Variants in PCDH9 observed in about 807,000 individuals in gnomAD.
PCDH9 encodes protocadherin 9.
A neutral mutation model predicts 70.6 loss-of-function variants in PCDH9; 24 were observed. The ratio of observed to expected loss-of-function variants is 0.34; its 90% CI spans 0.25 to 0.48. PCDH9 has a LOEUF of 0.48. Ranked by LOEUF, PCDH9 falls within the 20% of genes least tolerant of loss-of-function variation. The probability of loss-of-function intolerance (pLI) is 0.99; values close to 1 mark genes in which losing one functional copy is unlikely to be tolerated. For synonymous variants in PCDH9, 562 were observed against 558.5 expected (o/e 1.01, Z -0.09); for missense variants, 1,281 against 1,503.6 (o/e 0.85, Z 2.45).
chr13:66,938,716 C>G (rs1924310), intron 2 of PCDH9, among the ~76,000 whole-genome samples: 24,322 of 152,148 alleles, frequency 0.16, 2,132 homozygotes, highest in Non-Finnish European at 0.18. Flanking sequence ...ATCACCATAA[C>G]ATCACTGGAA....
At chr13:66,945,700 C>G (rs774747876) in intron 2 of PCDH9, among the ~76,000 whole-genome samples, 2 of 152,084 alleles carry the variant, frequency 1.3e-5, no homozygotes, top group Non-Finnish European at 2.9e-5. Context: ...ATATTTCATT[C>G]ATTAAATATA....
At chr13:66,737,379 C>T (rs1328579483) in intron 3 of PCDH9, among the ~76,000 whole-genome samples, 1 of 152,164 alleles carries the variant, frequency 6.6e-6, no homozygotes, top group Non-Finnish European at 1.5e-5. Context: ...TCTTTCAGAA[C>T]TTAATTAAAA....
intron 3 of PCDH9, among the ~76,000 whole-genome samples, chr13:66,736,957 C>T (rs1485668566): frequency 6.6e-6 from 1 of 152,120 alleles, no homozygotes; most frequent in Non-Finnish European, 1.5e-5. Context: ...ATTTGTCTTA[C>T]TTATAAAGCC....
At chr13:66,645,280 C>T (rs1394093859) in intron 3 of PCDH9, among the ~76,000 whole-genome samples, 1 of 152,068 alleles carries the variant, frequency 6.6e-6, no homozygotes, top group Non-Finnish European at 1.5e-5. Flanking sequence ...CTCCCCATCA[C>T]CCATGCATAT....
At chr13:66,778,318 C>A (rs940031702) in intron 3 of PCDH9, among the ~76,000 whole-genome samples, 1 of 152,086 alleles carries the variant, frequency 6.6e-6, no homozygotes, top group Non-Finnish European at 1.5e-5. Flanking sequence ...GCTCTTTAAT[C>A]TTCTACTGAA....
chr13:66,757,505 C>T (rs1399430418), intron 3 of PCDH9, among the ~76,000 whole-genome samples: 1 of 151,928 alleles, frequency 6.6e-6, no homozygotes, highest in African/African-American at 2.4e-5. Context: ...TTTATTCAAC[C>T]AAATTCTATG....
rs549219419 is a variant in PCDH9, at chr13:66,437,353, C to T, written c.3341-132325G>A. On this transcript the variant is annotated intron_variant, in intron 4 of 4. Transcript: ENST00000377865. Reference sequence around the variant, plus strand: ...ACCCGGGAGGCGAGCTTGCGTGAGCCGAGATCGCTCCACCGCACTCCAGCC... The same window carrying T: ...ACCCGGGAGGCGAGCTTGCGTGAGCTGAGATCGCTCCACCGCACTCCAGCC... 3.1e-5 allele frequency among the ~76,000 whole-genome samples: 4 copies of T among 130,700 alleles called. No homozygotes were observed. In the South Asian group the frequency reaches 7.5e-4, roughly 24 times the overall value. The allele number at this position is 130,700 out of a possible 152,430, so 85.7% of individuals were successfully genotyped here.
intron 3 of PCDH9, among the ~76,000 whole-genome samples, chr13:66,831,123 T>G (rs939343033): frequency 1.3e-5 from 2 of 152,170 alleles, no homozygotes; most frequent in Non-Finnish European, 2.9e-5. Flanking sequence ...GACAGATGCA[T>G]CTACAGATAA....
At chr13:67,146,302 T>C (rs1253888976) in intron 2 of PCDH9, among the ~76,000 whole-genome samples, 1 of 152,184 alleles carries the variant, frequency 6.6e-6, no homozygotes, top group East Asian at 1.9e-4. Flanking sequence ...AAGATACTTA[T>C]AATATCTTAA....
At chr13:66,970,626 G>GA (rs767546503) in intron 2 of PCDH9, among the ~76,000 whole-genome samples, 1,172 of 52,998 alleles carry the variant, frequency 0.022, 15 homozygotes, top group African/African-American at 0.063. Context: ...GACCCTGTCT[G>GA]AAAAAAAAAA....
At position 66,700,923 on chromosome 13, in the gene PCDH9, A is replaced by ATATAT. The variant is rs1566514288; in HGVS notation, c.3139-69513_3139-69512insATATA. Among the ~76,000 whole-genome samples, 22 of 58,434 alleles carry ATATAT rather than the reference A, an allele frequency of 3.8e-4. 1 individual carries two copies. Among genetic ancestry groups the ATATAT allele is most frequent in the Non-Finnish European group, 4.9e-4 (15 of 30,768 alleles). The allele number at this position is 58,434 out of a possible 152,430, so 38.3% of individuals were successfully genotyped here. A position where few individuals can be genotyped will look rare whatever the true frequency, so the allele number is the denominator to read the frequency against. On this transcript the variant is annotated intron_variant, in intron 3 of 4. Transcript: ENST00000377865. ...ATGAAAATATATGTGTGTACATATA[A>ATATAT]ATATATATATATATATATATATATA...
intron 3 of PCDH9, among the ~76,000 whole-genome samples, chr13:66,826,772 T>C (rs971060592): frequency 1.3e-5 from 2 of 152,142 alleles, no homozygotes; most frequent in African/African-American, 4.8e-5. Context: ...AGGAAGTGGC[T>C]TTGAGCAGAG....
chr13:66,806,960 C>T (rs2080420442), intron 3 of PCDH9, among the ~76,000 whole-genome samples: 2 of 152,074 alleles, frequency 1.3e-5, no homozygotes, highest in South Asian at 4.1e-4. Context: ...CCCTTCTACC[C>T]CTATTATGTA....
Position 66,420,592 on chromosome 13 carries a change from C to T in PCDH9, c.3341-115564G>A, listed in dbSNP as rs557599488. Among the ~76,000 whole-genome samples, 46 of 152,248 alleles carry T rather than the reference C, an allele frequency of 3.0e-4. 3 individuals are homozygous for T. The East Asian group carries it at 4.5e-3, about 15-fold the overall frequency. On this transcript the variant is annotated intron_variant, in intron 4 of 4. Transcript: ENST00000377865. ...CTCCAGCAGACCTGCACAAGAGAGG[C>T]CTGACTGTTAGAAGGAAAACTAACA... is the stretch of plus-strand genomic sequence containing the variant.
At chr13:66,529,368 T>C (rs1380489592) in intron 4 of PCDH9, among the ~76,000 whole-genome samples, 1 of 152,090 alleles carries the variant, frequency 6.6e-6, no homozygotes, top group Non-Finnish European at 1.5e-5. Context: ...TACTAACAAC[T>C]GAGAAAATAG....
intron 4 of PCDH9, among the ~76,000 whole-genome samples, chr13:66,389,701 G>C (rs991356023): frequency 6.6e-6 from 1 of 152,094 alleles, no homozygotes; most frequent in Non-Finnish European, 1.5e-5. Context: ...TGAGCTAGAG[G>C]GGTCTAAATG....
chr13:66,807,238 T>C (rs1209984653), intron 3 of PCDH9, among the ~76,000 whole-genome samples: 1 of 152,164 alleles, frequency 6.6e-6, no homozygotes, highest in East Asian at 1.9e-4. Flanking sequence ...TCCACCACCA[T>C]TCCTTTCCTT....
chr13:66,969,863 T>C (rs2083489743), intron 2 of PCDH9, among the ~76,000 whole-genome samples: 1 of 152,058 alleles, frequency 6.6e-6, no homozygotes, highest in Non-Finnish European at 1.5e-5. Context: ...AGCTGCTTTT[T>C]ATTTTGGAGA....
At chr13:66,781,128 A>G (rs1324564908) in intron 3 of PCDH9, among the ~76,000 whole-genome samples, 1 of 152,194 alleles carries the variant, frequency 6.6e-6, no homozygotes, top group Admixed American at 6.5e-5. Flanking sequence ...AAGGAATAAT[A>G]AAAATAGATC....
Sources: gnomAD v4.1 joint callset for allele counts (sites outside exome capture counted in the v4.1 genomes callset) on GRCh38, gnomAD v4.1.1 for gene constraint, MANE v1.5 for transcripts, NCBI Gene and HGNC (gene_info 2026-07-23, HGNC 2026-07-21) for gene names.